LEPR: variants seen among roughly 807,000 people sequenced by gnomAD.
LEPR encodes OB receptor.
LEPR carries 56 observed loss-of-function variants against 114.7 expected under a neutral mutation model. The observed-to-expected ratio is 0.49, with a 90% CI of 0.39 to 0.61. The LOEUF is 0.61. Among genes scored for constraint, LEPR ranks in the 20% least tolerant of loss-of-function variants. The probability of loss-of-function intolerance (pLI) is 0.00; values close to 1 mark genes in which losing one functional copy is unlikely to be tolerated. For missense variants in LEPR, 1,202 were observed against 1,352.9 expected, an observed-to-expected ratio of 0.89 and a Z score of 1.75; for synonymous variants, 443 against 461.4, an observed-to-expected ratio of 0.96 and a Z score of 0.51.
chr1:65,453,168 CT>C (rs1025678763), intron 2 of LEPR, among the ~76,000 whole-genome samples: 2 of 152,112 alleles, frequency 1.3e-5, no homozygotes, highest in Non-Finnish European at 2.9e-5. Flanking sequence ...ATTCTTCTCT[CT>C]TTTTTTCTTT....
At position 65,637,047 on chromosome 1, in the gene LEPR, T is replaced by G; in HGVS notation, c.*32T>G. 1 of 1,598,274 alleles carries G rather than the reference T, an allele frequency of 6.3e-7. No homozygotes were observed. Among genetic ancestry groups the G allele is most frequent in the Non-Finnish European group, 8.5e-7 (1 of 1,170,500 alleles). ...TGAAGAAACCTTCAGATTTGTGTTA[T>G]AATGGGTAATATAAAGTGTAATAGA... On this transcript the variant is annotated 3_prime_UTR_variant, in exon 20 of 20. Coordinates refer to ENST00000349533, the MANE Select transcript of LEPR (RefSeq NM_002303.6).
chr1:65,537,796 G>T (rs962389059), intron 2 of LEPR, among the ~76,000 whole-genome samples: 1 of 151,912 alleles, frequency 6.6e-6, no homozygotes, highest in African/African-American at 2.4e-5. Context: ...TTTGTCTATT[G>T]GTTGACCCTA....
At chr1:65,564,099 C>A (rs1195546854) in intron 2 of LEPR, among the ~76,000 whole-genome samples, 1 of 146,042 alleles carries the variant, frequency 6.8e-6, no homozygotes, top group Admixed American at 6.7e-5. Context: ...GAGCTTCCCG[C>A]TGCTTTGTTT....
chr1:65,612,008 A>G (rs1657201400), intron 14 of LEPR, among the ~76,000 whole-genome samples: 1 of 152,150 alleles, frequency 6.6e-6, no homozygotes, highest in Admixed American at 6.5e-5. Flanking sequence ...AATGCCTTTT[A>G]TTAGTCAATT....
chr1:65,428,633 A>G (rs947603544), intron 2 of LEPR, among the ~76,000 whole-genome samples: 9 of 151,556 alleles, frequency 5.9e-5, no homozygotes, highest in African/African-American at 1.9e-4. Context: ...CTTCATCCCA[A>G]CTCCTGCTTG....
intron 6 of LEPR, 141 bp downstream of exon 6, chr1:65,593,006 T>A: frequency 1.1e-6 from 1 of 897,198 alleles, no homozygotes; most frequent in Non-Finnish European, 1.7e-6. Context: ...CTGGGGGTAT[T>A]AAGAGTGGCT....
At chr1:65,427,822 G>A (rs748522871) in intron 2 of LEPR, 2 of 412,522 alleles carry the variant, frequency 4.8e-6, no homozygotes, top group South Asian at 1.8e-5. Context: ...AGAAGTTTTT[G>A]TAGAGACCGA....
chr1:65,494,735 G>A (rs1648064177), intron 2 of LEPR, among the ~76,000 whole-genome samples: 1 of 152,018 alleles, frequency 6.6e-6, no homozygotes, highest in African/African-American at 2.4e-5. Context: ...CCATATCACT[G>A]ATTTCTTTCC....
intron 6 of LEPR, among the ~76,000 whole-genome samples, chr1:65,593,088 C>A (rs942592303): frequency 9.2e-5 from 14 of 152,042 alleles, no homozygotes; most frequent in African/African-American, 3.1e-4. Context: ...AAACTGTTTT[C>A]TTTCAATCCT....
intron 2 of LEPR, among the ~76,000 whole-genome samples, chr1:65,426,026 A>G (rs746674361): frequency 5.9e-5 from 9 of 152,070 alleles, no homozygotes; most frequent in Non-Finnish European, 1.0e-4. Context: ...GGAGACGGAC[A>G]GTAAACAACA....
At chr1:65,497,144 G>GA (rs1648205986) in intron 2 of LEPR, among the ~76,000 whole-genome samples, 1 of 151,762 alleles carries the variant, frequency 6.6e-6, no homozygotes, top group African/African-American at 2.4e-5. Flanking sequence ...ATTTTTTTTA[G>GA]AAAAAATTAT....
rs377699411 is a variant in LEPR at position 65,468,929 on chromosome 1, A to G, written c.-21+43551A>G. Among the ~76,000 whole-genome samples the G allele has an allele frequency of 3.3e-5, 5 of 152,370 alleles. 1 individual carries two copies. ...TAGCAGAACAGCTGCTGCTCTGTTC[A>G]GTGCCGGGTGATTTTTGCTGTGCGG... is the stretch of plus-strand genomic sequence containing the variant. On this transcript the variant is annotated intron_variant, in intron 2 of 19. Transcript: ENST00000349533.
Position 65,593,190 on chromosome 1 carries a change from A to G in LEPR, c.703+325A>G, listed in dbSNP as rs1307576313. On this transcript the variant is annotated intron_variant, in intron 6 of 19. Transcript: ENST00000349533. ...AAATAGTAGCATGTTTCTTGCCTGA[A>G]TTTATTCCTTCAATAAATATTTCTT... Among the ~76,000 whole-genome samples, 5 of 152,016 alleles carry G rather than the reference A, an allele frequency of 3.3e-5. No homozygotes were observed. In the East Asian group the frequency reaches 7.7e-4, roughly 23 times the overall value.
intron 2 of LEPR, among the ~76,000 whole-genome samples, chr1:65,502,535 C>G (rs1222149748): frequency 1.3e-5 from 2 of 151,998 alleles, no homozygotes; most frequent in African/African-American, 2.4e-5. Context: ...GACGATATAG[C>G]TTCCCTGTGG....
chr1:65,505,414 T>C (rs1570574919), intron 2 of LEPR, among the ~76,000 whole-genome samples: 1 of 152,224 alleles, frequency 6.6e-6, no homozygotes, highest in Non-Finnish European at 1.5e-5. Flanking sequence ...CACATTAATA[T>C]GCTTTGGTGG....
At position 65,597,555 on chromosome 1, in the gene LEPR, G is replaced by A. The variant is rs987779963; in HGVS notation, c.849+962G>A. Among the ~76,000 whole-genome samples the A allele has an allele frequency of 4.6e-5, 7 of 151,932 alleles. No homozygotes were observed. The East Asian group carries it at 1.4e-3, about 29-fold the overall frequency. On this transcript the variant is annotated intron_variant, in intron 7 of 19. Transcript: ENST00000349533. Reference sequence around the variant, plus strand: ...TGGTAATGTAGATATCTGGGTAGTTGGGTTCTAAACAGGGAGAACAGCAGT... The same window carrying A: ...TGGTAATGTAGATATCTGGGTAGTTAGGTTCTAAACAGGGAGAACAGCAGT...
chr1:65,581,446 A>G (rs1243605690), intron 5 of LEPR, among the ~76,000 whole-genome samples: 4 of 136,280 alleles, frequency 2.9e-5, no homozygotes, highest in Non-Finnish European at 4.8e-5. Context: ...AATGGTTGAA[A>G]GGCTTTTTTT....
intron 19 of LEPR, chr1:65,630,104 C>A: frequency 6.3e-6 from 1 of 159,914 alleles, no homozygotes; most frequent in African/African-American, 2.4e-5. Context: ...GAGATAATTC[C>A]TGCCTTAACA....
At chr1:65,451,685 G>A (rs2100329137) in intron 2 of LEPR, among the ~76,000 whole-genome samples, 1 of 152,258 alleles carries the variant, frequency 6.6e-6, no homozygotes, top group South Asian at 2.1e-4. Flanking sequence ...CTGTAGCCTT[G>A]TAGTATAGTT....
Sources: gnomAD v4.1 joint callset for allele counts (sites outside exome capture counted in the v4.1 genomes callset) on GRCh38, gnomAD v4.1.1 for gene constraint, MANE v1.5 for transcripts, NCBI Gene and HGNC (gene_info 2026-07-23, HGNC 2026-07-21) for gene names.